MEI1: variants seen among roughly 807,000 people sequenced by gnomAD.
MEI1 encodes meiosis inhibitor protein 1.
In MEI1, 103 loss-of-function variants were observed where a neutral mutation model predicts 146.2. The observed-to-expected ratio is 0.70, with a 90% confidence interval of 0.60 to 0.83. MEI1 has a LOEUF of 0.83. Ranked by LOEUF, MEI1 falls within the 40% of genes least tolerant of loss-of-function variation. MEI1 has a pLI of 0.00. For synonymous variants in MEI1, 652 were observed against 628.2 expected, an observed-to-expected ratio of 1.04 and a Z score of -0.57; for missense variants, 1,529 against 1,533.0, an observed-to-expected ratio of 1.00 and a Z score of 0.04.
intron 9 of MEI1, 95 bp from the exon 10 acceptor site, chr22:41,732,150 T>C: frequency 1.0e-6 from 1 of 966,782 alleles, no homozygotes; most frequent in South Asian, 1.5e-5. Flanking sequence ...CTCCAACTCA[T>C]ACATGCTGTC....
intron 26 of MEI1, among the ~76,000 whole-genome samples, chr22:41,789,177 T>C (rs1015962839): frequency 2.0e-5 from 3 of 152,084 alleles, no homozygotes; most frequent in African/African-American, 7.2e-5. Flanking sequence ...CCGGGCGTGG[T>C]GGCGCGCACC....
At chr22:41,788,376 A>G (rs1195870179) in intron 26 of MEI1, among the ~76,000 whole-genome samples, 1 of 151,992 alleles carries the variant, frequency 6.6e-6, no homozygotes, top group Non-Finnish European at 1.5e-5. Flanking sequence ...GCCTTGAGTG[A>G]TGAAAAAGCC....
intron 11 of MEI1, among the ~76,000 whole-genome samples, 189 bp from the exon 12 acceptor site, chr22:41,742,891 A>G (rs1457458591): frequency 6.6e-6 from 1 of 152,104 alleles, no homozygotes; most frequent in East Asian, 1.9e-4. Context: ...ACATCTACTC[A>G]TCTCAGTCTC....
chr22:41,711,995 A>T (rs1366325115), intron 3 of MEI1, among the ~76,000 whole-genome samples: 1 of 151,436 alleles, frequency 6.6e-6, no homozygotes, highest in East Asian at 2.0e-4. Flanking sequence ...TGAGGTTAGG[A>T]GTTCGAGACC....
At chr22:41,729,025 G>A (rs973806450) in intron 7 of MEI1, among the ~76,000 whole-genome samples, 6 of 152,190 alleles carry the variant, frequency 3.9e-5, no homozygotes, top group African/African-American at 4.8e-5. Context: ...TTAGCTGAGC[G>A]TGGTGGTGCA....
chr22:41,784,501 G>A, intron 25 of MEI1, 81 bp downstream of exon 25: 2 of 1,595,490 alleles, frequency 1.3e-6, no homozygotes, highest in South Asian at 2.2e-5. Context: ...ACCAGCCAAT[G>A]GTCACTCCAT....
chr22:41,778,904 C>T (rs1287278235), intron 22 of MEI1, 92 bp downstream of exon 22: 4 of 900,996 alleles, frequency 4.4e-6, no homozygotes, highest in Non-Finnish European at 5.3e-6. Context: ...CTTTCTTCTA[C>T]TCTTTCATCC....
At chr22:41,725,838 C>G (rs557280258) in intron 7 of MEI1, among the ~76,000 whole-genome samples, 1 of 152,314 alleles carries the variant, frequency 6.6e-6, no homozygotes, top group South Asian at 2.1e-4. Flanking sequence ...GGAGCTCTTT[C>G]AGGGCAAAAC....
At chr22:41,729,608 T>G in intron 7 of MEI1, 57 bp from the exon 8 acceptor site, 1 of 1,172,912 alleles carries the variant, frequency 8.5e-7, no homozygotes, top group Non-Finnish European at 1.2e-6. Context: ...CCTAGGCCAG[T>G]TTTTCTGGTC....
At chr22:41,796,817 T>C (rs1051962510) in intron 30 of MEI1, among the ~76,000 whole-genome samples, 10 of 152,036 alleles carry the variant, frequency 6.6e-5, no homozygotes, top group African/African-American at 2.2e-4. Context: ...TGTGGTGGCA[T>C]GTGCCTGTAG....
chr22:41,771,395 G>A (rs1299041649), intron 20 of MEI1, among the ~76,000 whole-genome samples: 1 of 152,160 alleles, frequency 6.6e-6, no homozygotes, highest in African/African-American at 2.4e-5. Context: ...AATATTATAT[G>A]TACATTACTT....
intron 19 of MEI1, among the ~76,000 whole-genome samples, chr22:41,768,489 TTG>T (rs1294324168): frequency 6.6e-5 from 10 of 152,138 alleles, no homozygotes; most frequent in African/African-American, 2.4e-4. Context: ...TATAAGGACT[TTG>T]TGTTAGTCAG....
In MEI1 at chr22:41,712,494, C is replaced by T. The variant is rs185105381; in HGVS notation, c.350-1508C>T. Among the ~76,000 whole-genome samples the T allele has an allele frequency of 4.7e-3, 713 of 151,968 alleles. 6 individuals are homozygous for T. Among genetic ancestry groups the T allele is most frequent in the South Asian group, 8.1e-3 (39 of 4,814 alleles). ...TCGTGATCCACCCGCCTTGGCCTCC[C>T]AAAGTGCTGGGATTACAGGCGTGAG... On this transcript the variant is annotated intron_variant, in intron 3 of 30. Coordinates refer to ENST00000401548, the MANE Select transcript of MEI1 (RefSeq NM_152513.4).
chr22:41,717,106 T>C (rs2070277799), intron 5 of MEI1, among the ~76,000 whole-genome samples: 1 of 152,078 alleles, frequency 6.6e-6, no homozygotes, highest in Non-Finnish European at 1.5e-5. Flanking sequence ...CAAATAAATA[T>C]CTCCCAGAGG....
At chr22:41,743,647 G>A (rs186724686) in intron 12 of MEI1, among the ~76,000 whole-genome samples, 78 of 152,288 alleles carry the variant, frequency 5.1e-4, no homozygotes, top group Non-Finnish European at 8.1e-4. Context: ...AAGATATCAG[G>A]AAAGACACTG....
At chr22:41,705,431 A>G in intron 2 of MEI1, 73 bp from the exon 3 acceptor site, 1 of 1,339,218 alleles carries the variant, frequency 7.5e-7, no homozygotes, top group Non-Finnish European at 1.1e-6. Context: ...TCGGCCTCCC[A>G]AATTGCTGGG....
At chr22:41,767,550 T>G in intron 19 of MEI1, 1 of 455,980 alleles carries the variant, frequency 2.2e-6, no homozygotes, top group Non-Finnish European at 4.4e-6. Flanking sequence ...AGGCCTTACT[T>G]ATGCCTGGAA....
intron 26 of MEI1, among the ~76,000 whole-genome samples, chr22:41,785,910 ATTT>A (rs1158591831): frequency 3.1e-5 from 3 of 96,340 alleles, no homozygotes; most frequent in African/African-American, 1.0e-4. Context: ...TTTATTTTTT[ATTT>A]TATTTTTTTT....
At position 41,781,673 on chromosome 22, in the gene MEI1, C is replaced by T; in HGVS notation, c.2927-12C>T. On this transcript the variant is annotated splice_polypyrimidine_tract_variant and intron_variant, in intron 23 of 30. Transcript: ENST00000401548. ...TAACTCCTGTGGGCCCTGCCTTGCC[C>T]ACCCCCGACAGCTGCTGCAGTGCTC... is the stretch of plus-strand genomic sequence containing the variant. 1 of 1,611,060 alleles carries T rather than the reference C, an allele frequency of 6.2e-7. No homozygotes were observed. Among genetic ancestry groups the T allele is most frequent in the Non-Finnish European group, 8.5e-7 (1 of 1,178,588 alleles).
Sources: gnomAD v4.1 joint callset for allele counts (sites outside exome capture counted in the v4.1 genomes callset) on GRCh38, gnomAD v4.1.1 for gene constraint, MANE v1.5 for transcripts, NCBI Gene and HGNC (gene_info 2026-07-23, HGNC 2026-07-21) for gene names.